The following CCBE1 variants were observed in gnomAD, a reference collection of about 807,000 sequenced individuals.
The protein encoded by CCBE1 is collagen and calcium-binding EGF domain-containing protein 1.
A neutral mutation model predicts 50.0 loss-of-function variants in CCBE1; 37 were observed. That is an observed-to-expected ratio of 0.74 (90% CI 0.57 to 0.97). The LOEUF is 0.97. Among genes scored for constraint, CCBE1 ranks in the 50% least tolerant of loss-of-function variants. CCBE1 has a pLI of 0.00. For missense variants in CCBE1, 538 were observed against 523.8 expected, an observed-to-expected ratio of 1.03 and a Z score of -0.26; for synonymous variants, 234 against 203.7, an observed-to-expected ratio of 1.15 and a Z score of -1.27.
At chr18:59,540,464 T>G (rs1915425005) in intron 2 of CCBE1, among the ~76,000 whole-genome samples, 1 of 152,182 alleles carries the variant, frequency 6.6e-6, no homozygotes, top group Non-Finnish European at 1.5e-5. Flanking sequence ...GTGGCCAACC[T>G]TGGTATGAAG....
rs1462314149 is a variant in CCBE1, at chr18:59,433,177, C to G, written c.*2731G>C. On this transcript the variant is annotated 3_prime_UTR_variant, in exon 11 of 11. Coordinates refer to ENST00000439986, the MANE Select transcript of CCBE1 (RefSeq NM_133459.4). ...ACCCCACCCTAAAAAGAAATTTTTT[C>G]TTTTTAAAAAGTCTCCTTTATTCGA... The G allele has an allele frequency of 6.6e-6, 1 of 152,004 alleles. No individual in the cohort carries two copies. The highest frequency in any genetic ancestry group is 1.5e-5 in the Non-Finnish European group (1 of 67,980). 9.4% of individuals were successfully genotyped at this position (152,004 alleles called of 1,614,324 possible).
Position 59,628,925 on chromosome 18 carries a change from T to C in CCBE1, c.212+67704A>G, listed in dbSNP as rs375171177. On this transcript the variant is annotated intron_variant, in intron 2 of 10. Coordinates refer to ENST00000439986, the MANE Select transcript of CCBE1 (RefSeq NM_133459.4). ...TTAAAACACTCAAAATCCAACCATT[T>C]GTCACCTCTCCTCTGCTACCTCTGA... Among the ~76,000 whole-genome samples, 14 of 152,304 alleles carry C rather than the reference T, an allele frequency of 9.2e-5. No homozygotes were observed. In the East Asian group the frequency reaches 1.3e-3, roughly 15 times the overall value.
chr18:59,483,736 C>G (rs1912684816), intron 2 of CCBE1, among the ~76,000 whole-genome samples: 1 of 152,190 alleles, frequency 6.6e-6, no homozygotes, highest in Admixed American at 6.5e-5. Context: ...TGTAACATTT[C>G]TCACATGCAA....
intron 2 of CCBE1, among the ~76,000 whole-genome samples, chr18:59,598,589 G>A (rs549082961): frequency 4.2e-4 from 64 of 152,328 alleles, no homozygotes; most frequent in African/African-American, 1.5e-3. Context: ...CCAATCTACA[G>A]TACTACTTCT....
In CCBE1 at chr18:59,438,034, G is replaced by A. The variant is rs533079234; in HGVS notation, c.987+77C>T. 466 of 1,495,856 alleles carry A rather than the reference G, an allele frequency of 3.1e-4. 3 individuals carry two copies. The African/African-American group carries it at 5.8e-3, about 19-fold the overall frequency. 92.7% of individuals were successfully genotyped at this position (1,495,856 alleles called of 1,614,324 possible). A position where few individuals can be genotyped will look rare whatever the true frequency, so the allele number is the denominator to read the frequency against. On this transcript the variant is annotated intron_variant, in intron 10 of 10. Coordinates refer to ENST00000439986, the MANE Select transcript of CCBE1 (RefSeq NM_133459.4). Reference sequence around the variant, plus strand: ...AGGAAGGGGCGGGCTTTTGCTACTAGACCAACCTATAGGCTCATCAGAGCT... The same window carrying A: ...AGGAAGGGGCGGGCTTTTGCTACTAAACCAACCTATAGGCTCATCAGAGCT...
intron 2 of CCBE1, among the ~76,000 whole-genome samples, chr18:59,511,586 T>G (rs1914134037): frequency 6.6e-6 from 1 of 152,248 alleles, no homozygotes; most frequent in African/African-American, 2.4e-5. Flanking sequence ...ATCCATCACC[T>G]TAAACATTTA....
At chr18:59,593,766 A>G (rs923066020) in intron 2 of CCBE1, among the ~76,000 whole-genome samples, 1 of 152,234 alleles carries the variant, frequency 6.6e-6, no homozygotes, top group African/African-American at 2.4e-5. Flanking sequence ...TCATTGTCCA[A>G]CTTCTTTCAG....
chr18:59,628,645 T>C (rs1371689348), intron 2 of CCBE1, among the ~76,000 whole-genome samples: 1 of 152,144 alleles, frequency 6.6e-6, no homozygotes, highest in Non-Finnish European at 1.5e-5. Flanking sequence ...GATCAGGCCT[T>C]CTAATCTAAC....
At chr18:59,642,948 CAAAAAAAAAA>C (rs10683687) in intron 2 of CCBE1, among the ~76,000 whole-genome samples, 1 of 94,200 alleles carries the variant, frequency 1.1e-5, no homozygotes, top group South Asian at 3.9e-4. Flanking sequence ...GACTCCACCT[CAAAAAAAAAA>C]AAAAAAAAAA....
chr18:59,493,166 T>C lies in CCBE1; in HGVS notation c.213-12928A>G, dbSNP rs559878558. ...TTAAAGGAGAGAGTTTCACTTGTAA[T>C]GACTTTGAGAAGACAAAAAGGGAAG... On this transcript the variant is annotated intron_variant, in intron 2 of 10. Coordinates refer to ENST00000439986, the MANE Select transcript of CCBE1 (RefSeq NM_133459.4). Among the ~76,000 whole-genome samples, 233 of 152,330 alleles carry C rather than the reference T, an allele frequency of 1.5e-3. 1 individual carries two copies. The highest frequency in any genetic ancestry group is 4.8e-3 in the African/African-American group (200 of 41,572).
intron 2 of CCBE1, among the ~76,000 whole-genome samples, chr18:59,609,004 C>A (rs1023749861): frequency 2.6e-5 from 4 of 152,196 alleles, no homozygotes; most frequent in African/African-American, 9.6e-5. Flanking sequence ...ATGGGAAACC[C>A]AACAGACTTG....
intron 2 of CCBE1, among the ~76,000 whole-genome samples, chr18:59,584,345 T>G (rs1334264526): frequency 8.8e-6 from 1 of 113,734 alleles, no homozygotes; most frequent in Admixed American, 1.1e-4. Context: ...CTCTGGGGAC[T>G]GTTGTGGGGT....
chr18:59,496,618 G>C (rs1913368552), intron 2 of CCBE1, among the ~76,000 whole-genome samples: 1 of 152,122 alleles, frequency 6.6e-6, no homozygotes, highest in African/African-American at 2.4e-5. Context: ...TGCCTAATGG[G>C]ACTGAAAATA....
Position 59,554,552 on chromosome 18 carries a change from T to C in CCBE1, c.213-74314A>G, listed in dbSNP as rs533490944. Among the ~76,000 whole-genome samples, 13 of 152,298 alleles carry C rather than the reference T, an allele frequency of 8.5e-5. 1 individual carries two copies. In the South Asian group the frequency reaches 2.7e-3, roughly 32 times the overall value. On this transcript the variant is annotated intron_variant, in intron 2 of 10. Transcript: ENST00000439986. ...TATATTGTATTGACTGGTTATGTTG[T>C]CCCCATTCGCCTTTGAGTCACTAGT...
intron 2 of CCBE1, among the ~76,000 whole-genome samples, chr18:59,599,986 C>A (rs1393960941): frequency 6.6e-6 from 1 of 152,182 alleles, no homozygotes; most frequent in South Asian, 2.1e-4. Context: ...TCCCACAGAA[C>A]CATGGTGAGT....
intron 2 of CCBE1, among the ~76,000 whole-genome samples, chr18:59,559,008 C>T (rs757238688): frequency 5.3e-5 from 8 of 152,180 alleles, no homozygotes; most frequent in African/African-American, 1.2e-4. Flanking sequence ...ACCTGGACCC[C>T]GGGATCTGAC....
intron 2 of CCBE1, among the ~76,000 whole-genome samples, chr18:59,488,085 C>T (rs1912907691): frequency 6.6e-6 from 1 of 152,158 alleles, no homozygotes; most frequent in Non-Finnish European, 1.5e-5. Context: ...ATAAGCCCAA[C>T]ACAAAAGGAG....
At chr18:59,513,421 C>A (rs1471770804) in intron 2 of CCBE1, among the ~76,000 whole-genome samples, 8 of 152,244 alleles carry the variant, frequency 5.3e-5, no homozygotes, top group Non-Finnish European at 8.8e-5. Flanking sequence ...ACTGAGGTGT[C>A]TCTCTTGTCT....
At chr18:59,638,866 T>C (rs1279706728) in intron 2 of CCBE1, among the ~76,000 whole-genome samples, 1 of 152,190 alleles carries the variant, frequency 6.6e-6, no homozygotes, top group Non-Finnish European at 1.5e-5. Flanking sequence ...TTAGAACATT[T>C]CATAAAAAGA....
Sources: gnomAD v4.1 joint callset for allele counts (sites outside exome capture counted in the v4.1 genomes callset) on GRCh38, gnomAD v4.1.1 for gene constraint, MANE v1.5 for transcripts, NCBI Gene and HGNC (gene_info 2026-07-23, HGNC 2026-07-21) for gene names.